The following MACC1 variants were observed in gnomAD, a reference collection of about 807,000 sequenced individuals.
MACC1 encodes the protein MET transcriptional regulator MACC1.
MACC1 carries 79 observed loss-of-function variants against 70.7 expected under a neutral mutation model. The ratio of observed to expected loss-of-function variants is 1.12; its 90% CI spans 0.93 to 1.35. MACC1 has a LOEUF of 1.35. Ranked by LOEUF, MACC1 falls within the 40% of genes most tolerant of loss-of-function variation. The pLI is 0.00. For missense variants in MACC1, 1,106 were observed against 978.1 expected (o/e 1.13, Z -1.74); for synonymous variants, 361 against 347.2 (o/e 1.04, Z -0.44).
intron 3 of MACC1, among the ~76,000 whole-genome samples, chr7:20,162,956 T>A (rs1197891362): frequency 1.3e-5 from 2 of 152,108 alleles, no homozygotes; most frequent in African/African-American, 4.8e-5. Flanking sequence ...ACATCCTATA[T>A]AGCAAAGGAC....
intron 1 of MACC1, among the ~76,000 whole-genome samples, chr7:20,175,862 T>G (rs1314948545): frequency 6.6e-6 from 1 of 152,128 alleles, no homozygotes; most frequent in Non-Finnish European, 1.5e-5. Flanking sequence ...CTTAGAACTA[T>G]TTGGAATATA....
intron 1 of MACC1, among the ~76,000 whole-genome samples, chr7:20,175,445 A>G (rs1013731245): frequency 6.6e-6 from 1 of 152,142 alleles, no homozygotes; most frequent in South Asian, 2.1e-4. Flanking sequence ...AAATTGATCA[A>G]GCAATAGAAC....
intron 6 of MACC1, among the ~76,000 whole-genome samples, chr7:20,149,875 T>C (rs147636780): frequency 6.6e-6 from 1 of 152,240 alleles, no homozygotes; most frequent in African/African-American, 2.4e-5. Flanking sequence ...ATCATTAGTA[T>C]AATACAGTGG....
intron 1 of MACC1, among the ~76,000 whole-genome samples, chr7:20,192,708 T>C (rs757552128): frequency 6.6e-6 from 1 of 152,188 alleles, no homozygotes; most frequent in Non-Finnish European, 1.5e-5. Flanking sequence ...TATATAGCAA[T>C]AGATACTGAA....
chr7:20,166,739 C>G (rs1175553058), intron 2 of MACC1, among the ~76,000 whole-genome samples: 1 of 152,174 alleles, frequency 6.6e-6, no homozygotes, highest in African/African-American at 2.4e-5. Flanking sequence ...ACCCTGGGAA[C>G]TCAAAACATT....
In MACC1 at chr7:20,138,179, A is replaced by AAAAAAAAAC. The variant is rs1562576802; in HGVS notation, c.*2766_*2767insGTTTTTTTT. On this transcript the variant is annotated 3_prime_UTR_variant, in exon 7 of 7. Coordinates refer to ENST00000400331, the MANE Select transcript of MACC1 (RefSeq NM_182762.4). Reference sequence around the variant, plus strand: ...AAAAAAAAAAAAAAAAAAAAAAAAAAAAATTTCCCCTGGAAGGATTTGTTA... The same window carrying AAAAAAAAAC: ...AAAAAAAAAAAAAAAAAAAAAAAAAAAAAAAAAACAAATTTCCCCTGGAAGGATTTGTTA... 1 of 139,448 alleles carries AAAAAAAAAC rather than the reference A, an allele frequency of 7.2e-6. No individual in the cohort carries two copies. Among genetic ancestry groups the AAAAAAAAAC allele is most frequent in the African/African-American group, 2.8e-5 (1 of 36,304 alleles). 8.6% of individuals were successfully genotyped at this position (139,448 alleles called of 1,614,324 possible).
rs757339766 is a variant in MACC1, at chr7:20,158,234, A to G, written c.2127T>C (p.Asn709=). The change falls in exon 5 of 7, where the codon AAT becomes AAC. Residue 709 remains asparagine (N), a synonymous_variant. Coordinates refer to ENST00000400331, the MANE Select transcript of MACC1 (RefSeq NM_182762.4). ...TAAGTTCATACAGAAACTTCCTTGT[A>G]TTTCTCTCTGTGTGGCAATCTTCCT... The part of the protein sequence containing the change: ...KLKEDCHTER[N]TRKFLYELIV... The G allele has an allele frequency of 6.3e-7, 1 of 1,592,516 alleles. No homozygotes were observed. Among genetic ancestry groups the G allele is most frequent in the South Asian group, 1.2e-5 (1 of 86,362 alleles).
At position 20,140,840 on chromosome 7, in the gene MACC1, G is replaced by GAC. The variant is rs374483273; in HGVS notation, c.*104_*105dup. 3.6e-5 allele frequency: 25 copies of GAC among 690,868 alleles called. No individual in the cohort carries two copies. The highest frequency in any genetic ancestry group is 3.3e-4 in the Middle Eastern group (1 of 3,026). 42.8% of individuals were successfully genotyped at this position (690,868 alleles called of 1,614,324 possible). ...ACACACACACAGACACACACACACA[G>GAC]ACACACACACACAGACACACAGAGA... On this transcript the variant is annotated 3_prime_UTR_variant, in exon 7 of 7. Transcript: ENST00000400331.
intron 1 of MACC1, among the ~76,000 whole-genome samples, chr7:20,181,241 T>G (rs1329957790): frequency 2.6e-5 from 4 of 152,180 alleles, no homozygotes; most frequent in Admixed American, 2.6e-4. Context: ...TAACAAAACT[T>G]TTAGTGATAA....
chr7:20,190,886 ATCTT>A (rs779255852), intron 1 of MACC1, among the ~76,000 whole-genome samples: 15 of 152,236 alleles, frequency 9.9e-5, no homozygotes, highest in Non-Finnish European at 2.1e-4. Flanking sequence ...TAAAAATACA[ATCTT>A]TCTTTGTGAA....
intron 1 of MACC1, among the ~76,000 whole-genome samples, chr7:20,175,809 T>C (rs563885243): frequency 2.6e-5 from 4 of 152,248 alleles, no homozygotes; most frequent in African/African-American, 9.6e-5. Context: ...CTAATGCTAA[T>C]ATGTTTGCTG....
intron 1 of MACC1, among the ~76,000 whole-genome samples, chr7:20,208,885 C>T (rs1251622407): frequency 6.6e-6 from 1 of 152,168 alleles, no homozygotes. Context: ...GACATGGTTC[C>T]CTGTGTCCCA....
intron 1 of MACC1, among the ~76,000 whole-genome samples, chr7:20,186,086 T>A (rs1782584213): frequency 6.6e-6 from 1 of 152,230 alleles, no homozygotes; most frequent in Non-Finnish European, 1.5e-5. Context: ...TATCGCCGAA[T>A]GGACAGAGCT....
intron 1 of MACC1, among the ~76,000 whole-genome samples, chr7:20,204,594 T>C: frequency 6.6e-6 from 1 of 152,222 alleles, no homozygotes; most frequent in East Asian, 1.9e-4. Context: ...GATCAACTTG[T>C]TTATAAGATC....
chr7:20,180,486 T>A (rs1782487108), intron 1 of MACC1, among the ~76,000 whole-genome samples: 1 of 151,998 alleles, frequency 6.6e-6, no homozygotes, highest in Admixed American at 6.6e-5. Context: ...AGGCTTAAAT[T>A]AGCAAAGCAT....
At chr7:20,185,388 G>A (rs890515319) in intron 1 of MACC1, among the ~76,000 whole-genome samples, 7 of 152,072 alleles carry the variant, frequency 4.6e-5, no homozygotes, top group African/African-American at 1.7e-4. Flanking sequence ...AAATTGACAT[G>A]TAATCATAGA....
chr7:20,206,060 C>T (rs12534836), intron 1 of MACC1, among the ~76,000 whole-genome samples: 13,128 of 151,644 alleles, frequency 0.087, 648 homozygotes, highest in Non-Finnish European at 0.11. Flanking sequence ...TGAACTCCAT[C>T]GTCTTTCTCA....
At chr7:20,193,360 G>A (rs1325671347) in intron 1 of MACC1, among the ~76,000 whole-genome samples, 2 of 152,170 alleles carry the variant, frequency 1.3e-5, no homozygotes, top group Non-Finnish European at 2.9e-5. Context: ...GTGACTAAGT[G>A]CAAAAGCTAA....
Position 20,159,334 on chromosome 7 carries a change from C to A in MACC1, c.1027G>T (p.Val343Leu). The part of the protein sequence containing the change: ...IQVKLIDLSQ[V>L]MYLVVAAQAK... ...TGTGCAGCAACCACTAGATACATTA[C>A]CTGACTCAAGTCGATTAGCTTGACT... is the stretch of plus-strand genomic sequence containing the variant. The change falls in exon 5 of 7, where the codon GTA (valine) becomes TTA (leucine). Residue 343 changes from valine to leucine, a missense_variant. Val to Leu is a conservative substitution (Grantham distance 32, BLOSUM62 1). Coordinates refer to ENST00000400331, the MANE Select transcript of MACC1 (RefSeq NM_182762.4). 1 of 1,614,064 alleles carries A rather than the reference C, an allele frequency of 6.2e-7. No homozygotes were observed.
Sources: gnomAD v4.1 joint callset for allele counts (sites outside exome capture counted in the v4.1 genomes callset) on GRCh38, gnomAD v4.1.1 for gene constraint, MANE v1.5 for transcripts, NCBI Gene and HGNC (gene_info 2026-07-23, HGNC 2026-07-21) for gene names.